KCNJ15: variants seen among roughly 807,000 people sequenced by gnomAD.
KCNJ15 encodes the protein ATP-sensitive inward rectifier potassium channel 15.
Under a neutral mutation model 23.0 loss-of-function variants are expected in KCNJ15, and 14 were observed. The observed-to-expected ratio is 0.61, with a 90% confidence interval of 0.40 to 0.95. The LOEUF is 0.95. KCNJ15 is among the 40% of genes least tolerant of loss of function. The probability of loss-of-function intolerance (pLI) is 0.00; values close to 1 mark genes in which losing one functional copy is unlikely to be tolerated. For synonymous variants in KCNJ15, 185 were observed against 183.2 expected, an observed-to-expected ratio of 1.01 and a Z score of -0.08; for missense variants, 388 against 461.8, an observed-to-expected ratio of 0.84 and a Z score of 1.46.
At chr21:38,290,995 A>AACACACACACACACACACACACAC (rs57018976) in intron 1 of KCNJ15, among the ~76,000 whole-genome samples, 158 of 127,254 alleles carry the variant, frequency 1.2e-3, no homozygotes, top group African/African-American at 4.4e-3. Context: ...AAAAAGGCTA[A>AACACACACACACACACACACACAC]ACACACACAC....
At chr21:38,275,276 T>A (rs1384460111) in intron 1 of KCNJ15, among the ~76,000 whole-genome samples, 2 of 152,182 alleles carry the variant, frequency 1.3e-5, no homozygotes, top group African/African-American at 4.8e-5. Context: ...GCCTGGCTTC[T>A]TTTTTCCTGC....
At position 38,296,763 on chromosome 21, in the gene KCNJ15, T is replaced by A. The variant is rs1214836946; in HGVS notation, c.-116-163T>A. The A allele has an allele frequency of 2.0e-5, 3 of 152,822 alleles. No homozygotes were observed. In the East Asian group the frequency reaches 5.8e-4, roughly 30 times the overall value. The allele number at this position is 152,822 out of a possible 1,614,324, so 9.5% of individuals were successfully genotyped here. On this transcript the variant is annotated intron_variant, in intron 1 of 2. Transcript: ENST00000398938. The stretch of plus-strand genomic sequence containing the variant: ...TGTGGTTGGGGTTCAGCTTCCTTCT[T>A]AAATCGTTCCTTGAACCTTTACCCT...
At chr21:38,280,388 A>G (rs1274443944) in intron 1 of KCNJ15, among the ~76,000 whole-genome samples, 2 of 152,172 alleles carry the variant, frequency 1.3e-5, no homozygotes, top group South Asian at 2.1e-4. Context: ...TAAGAGATTC[A>G]TTGTATTCAG....
At chr21:38,266,665 A>G (rs1417723333) in intron 1 of KCNJ15, among the ~76,000 whole-genome samples, 1 of 152,200 alleles carries the variant, frequency 6.6e-6, no homozygotes, top group Non-Finnish European at 1.5e-5. Context: ...TCCTTTGGGT[A>G]TATACCCAGT....
chr21:38,278,943 T>G (rs1359228767), intron 1 of KCNJ15, among the ~76,000 whole-genome samples: 1 of 152,160 alleles, frequency 6.6e-6, no homozygotes, highest in Non-Finnish European at 1.5e-5. Flanking sequence ...GGAGGGACTA[T>G]GAAGGATGCT....
chr21:38,240,644 A>G (rs760285819), intron 1 of KCNJ15, among the ~76,000 whole-genome samples: 26 of 152,150 alleles, frequency 1.7e-4, no homozygotes, highest in Non-Finnish European at 3.7e-4. Context: ...AGGAACATTT[A>G]TTTTCTTATG....
chr21:38,268,401 G>A (rs1482788329), intron 1 of KCNJ15, among the ~76,000 whole-genome samples: 1 of 149,162 alleles, frequency 6.7e-6, no homozygotes, highest in Non-Finnish European at 1.5e-5. Context: ...GTGCTGCATT[G>A]TAGCAGTATT....
chr21:38,239,582 AG>A (rs1006157315), intron 1 of KCNJ15, among the ~76,000 whole-genome samples: 1 of 152,336 alleles, frequency 6.6e-6, no homozygotes, highest in Admixed American at 6.5e-5. Flanking sequence ...TTGGTACCCT[AG>A]GAAAACTAAT....
chr21:38,251,951 C>T (rs747623648), upstream of KCNJ15, among the ~76,000 whole-genome samples: 11 of 152,104 alleles, frequency 7.2e-5, no homozygotes, highest in African/African-American at 2.2e-4. Context: ...TGAGGAGGAA[C>T]GCTTTGTGTT....
intron 1 of KCNJ15, among the ~76,000 whole-genome samples, chr21:38,260,055 A>G (rs917195481): frequency 2.0e-5 from 3 of 152,244 alleles, no homozygotes; most frequent in Non-Finnish European, 4.4e-5. Flanking sequence ...GTTTATAAAC[A>G]TTTAGGAAAT....
At chr21:38,290,253 A>G (rs756724494) in intron 1 of KCNJ15, among the ~76,000 whole-genome samples, 1 of 152,236 alleles carries the variant, frequency 6.6e-6, no homozygotes, top group Non-Finnish European at 1.5e-5. Context: ...TTTGTCGAGT[A>G]CAGAAGGGTT....
chr21:38,254,975 A>G (rs1980089380), upstream of KCNJ15, among the ~76,000 whole-genome samples: 1 of 152,234 alleles, frequency 6.6e-6, no homozygotes. Context: ...CCACTTGACA[A>G]ATATGCATAT....
chr21:38,241,485 A>G (rs967166602), intron 1 of KCNJ15, among the ~76,000 whole-genome samples: 3 of 152,294 alleles, frequency 2.0e-5, no homozygotes, highest in Middle Eastern at 3.4e-3. Context: ...GCACGGTGGA[A>G]TTTTCATCTC....
At chr21:38,285,075 A>G (rs2123689987) in intron 1 of KCNJ15, among the ~76,000 whole-genome samples, 1 of 152,318 alleles carries the variant, frequency 6.6e-6, no homozygotes. Context: ...AAACCAATAA[A>G]TAAATGTTAA....
intron 1 of KCNJ15, among the ~76,000 whole-genome samples, chr21:38,284,274 T>C (rs1983658424): frequency 6.6e-6 from 1 of 152,148 alleles, no homozygotes; most frequent in Non-Finnish European, 1.5e-5. Flanking sequence ...ATGTTAAAAT[T>C]ACAGAGGAAG....
chr21:38,262,961 A>G (rs1981071908), intron 1 of KCNJ15, among the ~76,000 whole-genome samples: 1 of 152,132 alleles, frequency 6.6e-6, no homozygotes, highest in African/African-American at 2.4e-5. Context: ...TACAGGCCTG[A>G]GCTACCGTGC....
chr21:38,231,963 A>C (rs944850795), intron 1 of KCNJ15, among the ~76,000 whole-genome samples: 3 of 151,802 alleles, frequency 2.0e-5, no homozygotes, highest in African/African-American at 7.2e-5. Flanking sequence ...CATATAACCA[A>C]CCTCATAAAA....
chr21:38,269,705 CT>C (rs1254238914), intron 1 of KCNJ15, among the ~76,000 whole-genome samples: 1 of 152,136 alleles, frequency 6.6e-6, no homozygotes, highest in Non-Finnish European at 1.5e-5. Flanking sequence ...CTACACAGTG[CT>C]TAAGCTGGTG....
In KCNJ15 at chr21:38,247,057, AATGGATGGATGG is replaced by A. The variant is rs1234072753; in HGVS notation, c.-398-9957_-398-9946del. Among the ~76,000 whole-genome samples the A allele has an allele frequency of 2.7e-4, 32 of 120,102 alleles. No homozygotes were observed. In the South Asian group the frequency reaches 2.9e-3, roughly 11 times the overall value. The allele number at this position is 120,102 out of a possible 152,430, so 78.8% of individuals were successfully genotyped here. A position where few individuals can be genotyped will look rare whatever the true frequency, so the allele number is the denominator to read the frequency against. ...AAGTGGATGGATGGATGGATGGGTG[AATGGATGGATGG>A]ATGGATGGATGGATGGATGGATGGA... On this transcript the variant is annotated intron_variant, in intron 1 of 4. Coordinates refer to the KCNJ15 transcript ENST00000547341.
Sources: allele counts gnomAD v4.1 joint callset (sites outside exome capture counted in the v4.1 genomes callset), GRCh38; gene constraint gnomAD v4.1.1; transcripts MANE v1.5; gene names NCBI Gene and HGNC (gene_info 2026-07-23, HGNC 2026-07-21).